Variants in PRKCA observed in about 807,000 individuals in gnomAD.
PRKCA encodes protein kinase C alpha, also known as protein kinase C alpha type.
A neutral mutation model predicts 87.0 loss-of-function variants in PRKCA; 27 were observed. That is an observed-to-expected ratio of 0.31 (90% CI 0.23 to 0.43). The LOEUF is 0.43. Ranked by LOEUF, PRKCA falls within the 20% of genes least tolerant of loss-of-function variation. PRKCA has a pLI of 1.00. For synonymous variants in PRKCA, 329 were observed against 311.1 expected, an observed-to-expected ratio of 1.06 and a Z score of -0.61; for missense variants, 518 against 852.3, an observed-to-expected ratio of 0.61 and a Z score of 4.88.
In PRKCA at chr17:66,399,595, A is replaced by G. The variant is rs550748629; in HGVS notation, c.205+93468A>G. On this transcript the variant is annotated intron_variant, in intron 2 of 16. Transcript: ENST00000413366. ...CTTGCAAAACTGAAACTGTTTGCCT[A>G]TCAAACAACAGCTCTTGGTTTCCTC... Among the ~76,000 whole-genome samples the G allele has an allele frequency of 5.9e-5, 9 of 152,320 alleles. No homozygotes were observed. In the South Asian group the frequency reaches 6.2e-4, roughly 11 times the overall value.
Position 66,396,903 on chromosome 17 carries a change from C to T in PRKCA, c.205+90776C>T, listed in dbSNP as rs1910711588. Among the ~76,000 whole-genome samples the T allele has an allele frequency of 2.1e-5, 3 of 142,876 alleles. No individual in the cohort carries two copies. The South Asian group carries it at 7.0e-4, about 33-fold the overall frequency. The allele number at this position is 142,876 out of a possible 152,430, so 93.7% of individuals were successfully genotyped here. ...TCTACATACATATTTATATGAATATCTAATTATTGCAGTAAAAACTAGTAG... is the reference window on the plus strand; with the variant it reads ...TCTACATACATATTTATATGAATATTTAATTATTGCAGTAAAAACTAGTAG... On this transcript the variant is annotated intron_variant, in intron 2 of 16. Coordinates refer to ENST00000413366, the MANE Select transcript of PRKCA (RefSeq NM_002737.3).
At chr17:66,366,186 G>T (rs1908708121) in intron 2 of PRKCA, among the ~76,000 whole-genome samples, 1 of 152,024 alleles carries the variant, frequency 6.6e-6, no homozygotes, top group Non-Finnish European at 1.5e-5. Flanking sequence ...CCTTTTAGAT[G>T]TCAACACAGG....
chr17:66,738,032 A>AT (rs1974075959), intron 10 of PRKCA, among the ~76,000 whole-genome samples: 1 of 152,178 alleles, frequency 6.6e-6, no homozygotes, highest in Non-Finnish European at 1.5e-5. Context: ...AGAGGTCATT[A>AT]TTTCACTGTT....
At chr17:66,593,107 TAAAG>T (rs1969862959) in intron 3 of PRKCA, among the ~76,000 whole-genome samples, 1 of 152,328 alleles carries the variant, frequency 6.6e-6, no homozygotes, top group African/African-American at 2.4e-5. Context: ...TTTTATTAAA[TAAAG>T]AAACATTTAT....
At chr17:66,455,042 G>A (rs1208154438) in intron 2 of PRKCA, among the ~76,000 whole-genome samples, 1 of 152,222 alleles carries the variant, frequency 6.6e-6, no homozygotes, top group African/African-American at 2.4e-5. Flanking sequence ...GAGAGAAACT[G>A]GGGATGGAGG....
intron 2 of PRKCA, among the ~76,000 whole-genome samples, chr17:66,351,044 A>G (rs1459040220): frequency 6.6e-6 from 1 of 152,228 alleles, no homozygotes; most frequent in Non-Finnish European, 1.5e-5. Context: ...CTGTCTTACT[A>G]AAGTGTGAAT....
chr17:66,339,832 A>G (rs113269023), intron 2 of PRKCA: 1 of 152,346 alleles, frequency 6.6e-6, no homozygotes, highest in African/African-American at 2.4e-5. Context: ...AAGGCCACCA[A>G]AAAGGACCAA....
chr17:66,405,034 G>T (rs1441329062), intron 2 of PRKCA, among the ~76,000 whole-genome samples: 2 of 152,202 alleles, frequency 1.3e-5, no homozygotes, highest in African/African-American at 4.8e-5. Flanking sequence ...ACAGGTGTGA[G>T]CCACTGCGCC....
At chr17:66,344,506 A>C (rs1400161801) in intron 2 of PRKCA, among the ~76,000 whole-genome samples, 1 of 152,042 alleles carries the variant, frequency 6.6e-6, no homozygotes, top group Non-Finnish European at 1.5e-5. Context: ...AACAAAAAAC[A>C]AACAACAACA....
At chr17:66,436,491 G>GT (rs1191609209) in intron 2 of PRKCA, among the ~76,000 whole-genome samples, 2 of 152,208 alleles carry the variant, frequency 1.3e-5, no homozygotes, top group African/African-American at 4.8e-5. Context: ...CTGGCGTGTG[G>GT]TAAGTACCCA....
rs576353595 is a variant in PRKCA, at chr17:66,303,013, C to T, written c.162C>T (p.Thr54=). 10 of 1,609,794 alleles carry T rather than the reference C, an allele frequency of 6.2e-6. No individual in the cohort carries two copies. In the African/African-American group the frequency reaches 1.3e-4, roughly 22 times the overall value. Residue 54 remains threonine, a synonymous_variant, in exon 1 of 17, where the codon ACC becomes ACT. Transcript: ENST00000413366. ...AGCCCACCTTCTGCAGCCACTGCACCGACTTCATCTGGTAGGTGCCGGGCC... is the reference window on the plus strand; with the variant it reads ...AGCCCACCTTCTGCAGCCACTGCACTGACTTCATCTGGTAGGTGCCGGGCC... ...FKQPTFCSHC[T]DFIWGFGKQG...
intron 2 of PRKCA, among the ~76,000 whole-genome samples, chr17:66,425,787 G>T (rs371547399): frequency 6.6e-6 from 1 of 152,146 alleles, no homozygotes; most frequent in African/African-American, 2.4e-5. Context: ...GTGCGACATG[G>T]TAACCCCAAT....
At chr17:66,451,048 T>C (rs1324387272) in intron 2 of PRKCA, among the ~76,000 whole-genome samples, 1 of 152,242 alleles carries the variant, frequency 6.6e-6, no homozygotes, top group Non-Finnish European at 1.5e-5. Context: ...GTGTTTCCAG[T>C]GATCTATAAA....
At chr17:66,489,984 T>C (rs981482460) in intron 2 of PRKCA, among the ~76,000 whole-genome samples, 4 of 151,872 alleles carry the variant, frequency 2.6e-5, no homozygotes, top group Non-Finnish European at 5.9e-5. Context: ...TTTCACCATG[T>C]TGGCCAGGCT....
chr17:66,484,868 A>G (rs1399278153), intron 2 of PRKCA, among the ~76,000 whole-genome samples: 1 of 152,176 alleles, frequency 6.6e-6, no homozygotes, highest in Non-Finnish European at 1.5e-5. Flanking sequence ...GAGAAATGTA[A>G]TGTCATACTT....
At chr17:66,638,269 C>G (rs917150578) in intron 3 of PRKCA, 30 of 152,074 alleles carry the variant, frequency 2.0e-4, no homozygotes, top group African/African-American at 6.5e-4. Context: ...CATCGTAGGT[C>G]TGTGCTCTCT....
intron 2 of PRKCA, among the ~76,000 whole-genome samples, chr17:66,428,053 G>T (rs1172628401): frequency 6.6e-6 from 1 of 152,150 alleles, no homozygotes; most frequent in Non-Finnish European, 1.5e-5. Context: ...ATGTATAATG[G>T]TTTGACTGAT....
intron 3 of PRKCA, among the ~76,000 whole-genome samples, chr17:66,527,311 C>T (rs1385159822): frequency 6.6e-6 from 1 of 150,716 alleles, no homozygotes. Context: ...GTAAAGTTAT[C>T]CTGGTGCCTG....
In PRKCA at chr17:66,641,400, C is replaced by A; in HGVS notation, c.334C>A (p.Pro112Thr). 6.2e-7 allele frequency: 1 copy of A among 1,612,680 alleles called. No homozygotes were observed. The highest frequency in any genetic ancestry group is 1.1e-5 in the South Asian group (1 of 90,710). Reference sequence around the variant, plus strand: ...GTTCAAAATCCACACTTACGGAAGCCCCACCTTCTGCGATCACTGTGGGTC... The same window carrying A: ...GTTCAAAATCCACACTTACGGAAGCACCACCTTCTGCGATCACTGTGGGTC... ...HKFKIHTYGS[P>T]TFCDHCGSLL... The change falls in exon 4 of 17, where the codon CCC becomes ACC. Residue 112 changes from proline (P) to threonine (T), a missense_variant. Coordinates refer to ENST00000413366, the MANE Select transcript of PRKCA (RefSeq NM_002737.3).
Sources: gnomAD v4.1 joint callset for allele counts (sites outside exome capture counted in the v4.1 genomes callset) on GRCh38, gnomAD v4.1.1 for gene constraint, MANE v1.5 for transcripts, NCBI Gene and HGNC (gene_info 2026-07-23, HGNC 2026-07-21) for gene names.